NEXN: variants seen among roughly 807,000 people sequenced by gnomAD.
NEXN encodes nexilin.
NEXN carries 65 observed loss-of-function variants against 92.6 expected under a neutral mutation model. The ratio of observed to expected loss-of-function variants is 0.70; its 90% confidence interval spans 0.57 to 0.86. The LOEUF is 0.86. NEXN is among the 40% of genes least tolerant of loss of function. The probability of loss-of-function intolerance (pLI) is 0.00; values close to 1 mark genes in which losing one functional copy is unlikely to be tolerated. For synonymous variants in NEXN, 254 were observed against 242.5 expected, an observed-to-expected ratio of 1.05 and a Z score of -0.44; for missense variants, 778 against 771.1, an observed-to-expected ratio of 1.01 and a Z score of -0.11.
chr1:77,939,798 C>T (rs910213711), intron 11 of NEXN, among the ~76,000 whole-genome samples: 3 of 152,166 alleles, frequency 2.0e-5, no homozygotes, highest in African/African-American at 4.8e-5. Flanking sequence ...AGCGGCTGAG[C>T]GCGGTGGTTT....
chr1:77,937,956 G>A (rs1216414621), intron 11 of NEXN, among the ~76,000 whole-genome samples: 2 of 152,162 alleles, frequency 1.3e-5, no homozygotes, highest in Non-Finnish European at 2.9e-5. Flanking sequence ...GCGGCCTGAG[G>A]ATTTGAACTA....
chr1:77,936,245 TTAAAACCTATAGTGAA>T (rs1299274350), intron 11 of NEXN, among the ~76,000 whole-genome samples: 1 of 152,242 alleles, frequency 6.6e-6, no homozygotes, highest in Admixed American at 6.5e-5. Context: ...TTTATCAGTG[TTAAAACCTATAGTGAA>T]TGTCAAATGG....
At chr1:77,907,570 C>G (rs1471016936) in intron 1 of NEXN, among the ~76,000 whole-genome samples, 2 of 152,146 alleles carry the variant, frequency 1.3e-5, no homozygotes, top group African/African-American at 4.8e-5. Flanking sequence ...AAGGCTAGTG[C>G]TGTTCAAATT....
chr1:77,912,078 C>CAA (rs56678367), intron 1 of NEXN, among the ~76,000 whole-genome samples: 91 of 76,476 alleles, frequency 1.2e-3, no homozygotes, highest in African/African-American at 4.0e-3. Flanking sequence ...GACTCTGTCT[C>CAA]AAAAAAAAAA....
At chr1:77,892,962 G>A (rs949732315) in intron 1 of NEXN, among the ~76,000 whole-genome samples, 1 of 151,722 alleles carries the variant, frequency 6.6e-6, no homozygotes, top group African/African-American at 2.4e-5. Context: ...TATCTCCTGG[G>A]CTCAAGTGAT....
In NEXN at chr1:77,936,036, T is replaced by C; in HGVS notation, c.1465T>C (p.Phe489Leu). 2 of 1,606,886 alleles carry C rather than the reference T, an allele frequency of 1.2e-6. No homozygotes were observed. The highest frequency in any genetic ancestry group is 1.7e-6 in the Non-Finnish European group (2 of 1,173,802). ...LEIKEREAENFHEEDDVDVRP... is the reference protein window; with the variant it reads ...LEIKEREAENLHEEDDVDVRP... ...AATTAAAGAGCGAGAAGCTGAAAATTTTCATGAGGTATATTACCTTTATAT... is the reference window on the plus strand; with the variant it reads ...AATTAAAGAGCGAGAAGCTGAAAATCTTCATGAGGTATATTACCTTTATAT... The change falls in exon 11 of 13, where the codon TTT (phenylalanine) becomes CTT (leucine). Residue 489 changes from phenylalanine (F) to leucine (L), a missense_variant. Physicochemically the swap from Phe to Leu is conservative, Grantham distance 22. Transcript: ENST00000334785.
At chr1:77,890,709 A>T (rs538809733) in intron 1 of NEXN, among the ~76,000 whole-genome samples, 2 of 151,938 alleles carry the variant, frequency 1.3e-5, no homozygotes, top group Non-Finnish European at 2.9e-5. Context: ...TTCATTTATT[A>T]AAAAAAATAC....
intron 8 of NEXN, among the ~76,000 whole-genome samples, chr1:77,927,560 A>G (rs1037117321): frequency 4.6e-5 from 7 of 151,206 alleles, no homozygotes; most frequent in Non-Finnish European, 8.8e-5. Context: ...TATTAAGTGT[A>G]TGTGTGTGCA....
chr1:77,929,760 G>A (rs1650142614), intron 9 of NEXN, among the ~76,000 whole-genome samples: 1 of 152,198 alleles, frequency 6.6e-6, no homozygotes, highest in Admixed American at 6.5e-5. Flanking sequence ...CCTTCTCTGG[G>A]AAGGCATGTT....
chr1:77,941,273 T>C (rs943350120), intron 11 of NEXN, among the ~76,000 whole-genome samples: 1 of 152,114 alleles, frequency 6.6e-6, no homozygotes, highest in Non-Finnish European at 1.5e-5. Flanking sequence ...ACTGAAGTAC[T>C]TTAGAAACCA....
chr1:77,932,592 T>TCC (rs1472195797), intron 9 of NEXN, among the ~76,000 whole-genome samples: 3 of 152,220 alleles, frequency 2.0e-5, no homozygotes, highest in Non-Finnish European at 2.9e-5. Flanking sequence ...TTAAATGCTT[T>TCC]AATTACCAAC....
In NEXN at chr1:77,933,581, A is replaced by G. The variant is rs149519259; in HGVS notation, c.1251+102A>G. 289 of 906,308 alleles carry G rather than the reference A, an allele frequency of 3.2e-4. 1 individual carries two copies. The African/African-American group carries it at 4.3e-3, about 13-fold the overall frequency. The allele number at this position is 906,308 out of a possible 1,614,324, so 56.1% of individuals were successfully genotyped here. A position where few individuals can be genotyped will look rare whatever the true frequency, so the allele number is the denominator to read the frequency against. ...TTGTATTATTATTCACCTTTAGGATAGTTGACATAGTATTATGAGGTGCTT... is the reference window on the plus strand; with the variant it reads ...TTGTATTATTATTCACCTTTAGGATGGTTGACATAGTATTATGAGGTGCTT... On this transcript the variant is annotated intron_variant, in intron 10 of 12. Transcript: ENST00000334785.
At chr1:77,913,181 G>A (rs1323700842) in intron 1 of NEXN, among the ~76,000 whole-genome samples, 8 of 152,144 alleles carry the variant, frequency 5.3e-5, no homozygotes, top group African/African-American at 9.7e-5. Flanking sequence ...TTGGGAGGCC[G>A]AGGTGGGCGG....
At chr1:77,918,308 AAACT>A (rs1255927399) in intron 5 of NEXN, 35 bp downstream of exon 5, 31 of 1,607,304 alleles carry the variant, frequency 1.9e-5, no homozygotes, top group Non-Finnish European at 2.3e-5. Context: ...TTTGTTTCTG[AAACT>A]AACTGTGCAA....
chr1:77,914,547 T>G (rs1648815618), intron 1 of NEXN, among the ~76,000 whole-genome samples: 2 of 152,172 alleles, frequency 1.3e-5, no homozygotes, highest in African/African-American at 4.8e-5. Flanking sequence ...GTTAATGAAC[T>G]AAATGCTGCA....
chr1:77,936,111 T>C (rs542966754), intron 11 of NEXN, 67 bp downstream of exon 11: 38 of 1,251,042 alleles, frequency 3.0e-5, no homozygotes, highest in South Asian at 9.1e-5. Context: ...AGAAGTAACA[T>C]TGGCTTTGAA....
At chr1:77,913,795 A>G (rs940895320) in intron 1 of NEXN, among the ~76,000 whole-genome samples, 2 of 152,222 alleles carry the variant, frequency 1.3e-5, no homozygotes, top group African/African-American at 4.8e-5. Context: ...ACAGATATTT[A>G]TGTCAACTTT....
chr1:77,902,347 T>A (rs1241704309), intron 1 of NEXN, among the ~76,000 whole-genome samples: 1 of 152,198 alleles, frequency 6.6e-6, no homozygotes, highest in African/African-American at 2.4e-5. Context: ...TACATGTAAC[T>A]TTTCATTACT....
At chr1:77,930,343 C>T (rs1650187841) in intron 9 of NEXN, among the ~76,000 whole-genome samples, 2 of 152,140 alleles carry the variant, frequency 1.3e-5, no homozygotes, top group South Asian at 4.1e-4. Context: ...TTTATTCTAC[C>T]TCCTAAATCA....
Sources: allele counts gnomAD v4.1 joint callset (sites outside exome capture counted in the v4.1 genomes callset), GRCh38; gene constraint gnomAD v4.1.1; transcripts MANE v1.5; gene names NCBI Gene and HGNC (gene_info 2026-07-23, HGNC 2026-07-21).